WASHC4: variants seen among roughly 807,000 people sequenced by gnomAD.
The protein encoded by WASHC4 is WASH complex subunit 7.
In WASHC4, 86 loss-of-function variants were observed where a neutral mutation model predicts 166.6. The ratio of observed to expected loss-of-function variants is 0.52; its 90% CI spans 0.43 to 0.62. WASHC4 has a LOEUF of 0.62. Among genes scored for constraint, WASHC4 ranks in the 20% least tolerant of loss-of-function variants. The pLI is 0.00. For synonymous variants in WASHC4, 446 were observed against 451.6 expected, an observed-to-expected ratio of 0.99 and a Z score of 0.16; for missense variants, 1,262 against 1,382.4, an observed-to-expected ratio of 0.91 and a Z score of 1.38.
At chr12:105,117,563 T>G (rs928714483) in intron 6 of WASHC4, among the ~76,000 whole-genome samples, 1 of 152,154 alleles carries the variant, frequency 6.6e-6, no homozygotes, top group African/African-American at 2.4e-5. Context: ...ATAAAATGCG[T>G]TATTTATTTT....
intron 29 of WASHC4, among the ~76,000 whole-genome samples, chr12:105,161,636 T>C (rs1454814925): frequency 6.6e-6 from 1 of 152,188 alleles, no homozygotes; most frequent in Non-Finnish European, 1.5e-5. Flanking sequence ...CTTGTGTTTG[T>C]AGTGTAGTTC....
chr12:105,131,733 C>G (rs1000347969), intron 13 of WASHC4, among the ~76,000 whole-genome samples: 1 of 152,096 alleles, frequency 6.6e-6, no homozygotes, highest in Non-Finnish European at 1.5e-5. Flanking sequence ...AAGGACCAGG[C>G]TTTTAAAAAA....
chr12:105,131,625 G>A (rs954575654), intron 13 of WASHC4, among the ~76,000 whole-genome samples: 2 of 152,094 alleles, frequency 1.3e-5, no homozygotes, highest in African/African-American at 2.4e-5. Context: ...TGACTTTTCT[G>A]TTCTCTCCTG....
intron 1 of WASHC4, among the ~76,000 whole-genome samples, chr12:105,108,748 T>C (rs73179968): frequency 0.13 from 19,886 of 152,012 alleles, 1,494 homozygotes; most frequent in African/African-American, 0.22. Context: ...ATTTTTTTTT[T>C]CCCTCATAGT....
intron 14 of WASHC4, 62 bp downstream of exon 14, chr12:105,133,958 T>A: frequency 6.7e-7 from 1 of 1,486,784 alleles, no homozygotes; most frequent in East Asian, 2.3e-5. Context: ...AAGTTAAACT[T>A]TGAAAAAACT....
intron 13 of WASHC4, among the ~76,000 whole-genome samples, chr12:105,130,621 G>C (rs967561562): frequency 3.3e-5 from 5 of 152,152 alleles, no homozygotes; most frequent in Non-Finnish European, 5.9e-5. Flanking sequence ...AAAGTTGAGG[G>C]GTTGTCTAAG....
At chr12:105,158,237 A>G (rs1163917278) in intron 28 of WASHC4, among the ~76,000 whole-genome samples, 1 of 152,192 alleles carries the variant, frequency 6.6e-6, no homozygotes, top group East Asian at 1.9e-4. Flanking sequence ...GGTTTCTAAA[A>G]CATTAGGTGA....
rs201396846 is a variant in WASHC4 at position 105,160,072 on chromosome 12, T to C, written c.2984T>C (p.Val995Ala). ...GGCACAGAATATTTCAAAATGCTTG[T>C]AGACGTTTTTGCTCCAGAATTTCGA... ...AEGTEYFKML[V>A]DVFAPEFRRP... Residue 995 changes from valine to alanine, a missense_variant, in exon 29 of 33, where the codon GTA (valine) becomes GCA (alanine). Physicochemically the swap from Val to Ala is moderately conservative, Grantham distance 64 (BLOSUM62 0). Coordinates refer to ENST00000332180, the MANE Select transcript of WASHC4 (RefSeq NM_015275.3). The C allele has an allele frequency of 6.2e-7, 1 of 1,613,556 alleles. No homozygotes were observed. Among genetic ancestry groups the C allele is most frequent in the Non-Finnish European group, 8.5e-7 (1 of 1,179,436 alleles).
intron 32 of WASHC4, among the ~76,000 whole-genome samples, chr12:105,165,771 G>A (rs1483433081): frequency 6.6e-6 from 1 of 151,852 alleles, no homozygotes; most frequent in African/African-American, 2.4e-5. Context: ...TATTAATTAG[G>A]TGCATATCCA....
At chr12:105,147,580 A>G in intron 24 of WASHC4, 11 of 1,011,892 alleles carry the variant, frequency 1.1e-5, no homozygotes, top group Non-Finnish European at 1.3e-5. Flanking sequence ...ATAAATAGGA[A>G]CTTACTAAAA....
Position 105,144,356 on chromosome 12 carries a change from C to T in WASHC4, c.2080C>T (p.Leu694=). ...LRLSVHTHLK[L]DDRNPFKVGM... ...ACTTTCTGTGCATACTCATTTAAAG[C>T]TGGATGACCGAAACCCTTTCAAAGT... Residue 694 remains leucine, a synonymous_variant, in exon 21 of 33, where the codon CTG becomes TTG. Transcript: ENST00000332180. 1 of 1,613,252 alleles carries T rather than the reference C, an allele frequency of 6.2e-7. No homozygotes were observed. The highest frequency in any genetic ancestry group is 8.5e-7 in the Non-Finnish European group (1 of 1,179,290).
chr12:105,147,693 G>C (rs1436598741), intron 24 of WASHC4: 4 of 568,114 alleles, frequency 7.0e-6, no homozygotes, highest in African/African-American at 6.1e-5. Context: ...ATCACCTGAG[G>C]TTGGGAGTTC....
chr12:105,157,392 A>G, intron 28 of WASHC4, 70 bp downstream of exon 28: 7 of 855,414 alleles, frequency 8.2e-6, no homozygotes, highest in Admixed American at 7.7e-5. Flanking sequence ...CCAGAGGGTA[A>G]TATGTAATTT....
At chr12:105,120,169 T>TAGAA (rs1343790125) in intron 7 of WASHC4, among the ~76,000 whole-genome samples, 1 of 152,246 alleles carries the variant, frequency 6.6e-6, no homozygotes, top group Non-Finnish European at 1.5e-5. Flanking sequence ...TCTAATAGTT[T>TAGAA]AGAAAGATAT....
Position 105,152,391 on chromosome 12 carries a change from GGA to G in WASHC4, c.2700_2701del (p.Val901AsnfsTer3). 1 of 1,607,152 alleles carries G rather than the reference GGA, an allele frequency of 6.2e-7. No individual in the cohort carries two copies. ...EKFNRGIRKL[G>X]VTPEGQSYLD... The stretch of plus-strand genomic sequence containing the variant: ...ATTCAATCGAGGCATCAGAAAACTT[GGA>G]GTAACACCTGAGGGACAGAGCTACC... On this transcript the variant is annotated frameshift_variant, in exon 26 of 33. Transcript: ENST00000332180. LOFTEE classifies it high-confidence loss of function.
In WASHC4 at chr12:105,168,249, A is replaced by G. The variant is rs958707270; in HGVS notation, c.*1318A>G. The G allele has an allele frequency of 6.6e-6, 1 of 152,448 alleles. No homozygotes were observed. The highest frequency in any genetic ancestry group is 6.6e-5 in the Admixed American group (1 of 15,266). 9.4% of individuals were successfully genotyped at this position (152,448 alleles called of 1,614,324 possible). ...CAGGGTAACTTGCCAGCCCAAGATA[A>G]ATACTTTAATTGTTAAAAGTCAGAA... On this transcript the variant is annotated 3_prime_UTR_variant, in exon 33 of 33. Transcript: ENST00000332180.
Position 105,144,357 on chromosome 12 carries a change from T to C in WASHC4, c.2081T>C (p.Leu694Pro). 1 of 1,613,364 alleles carries C rather than the reference T, an allele frequency of 6.2e-7. No individual in the cohort carries two copies. Among genetic ancestry groups the C allele is most frequent in the Non-Finnish European group, 8.5e-7 (1 of 1,179,402 alleles). Reference sequence around the variant, plus strand: ...CTTTCTGTGCATACTCATTTAAAGCTGGATGACCGAAACCCTTTCAAAGTT... The same window carrying C: ...CTTTCTGTGCATACTCATTTAAAGCCGGATGACCGAAACCCTTTCAAAGTT... Reference protein sequence around the residue: ...LRLSVHTHLKLDDRNPFKVGM... With the variant: ...LRLSVHTHLKPDDRNPFKVGM... The change falls in exon 21 of 33, where the codon CTG becomes CCG. Residue 694 changes from leucine to proline, a missense_variant. Physicochemically the swap from Leu to Pro is moderately conservative, Grantham distance 98. Transcript: ENST00000332180.
At chr12:105,133,212 CTT>C (rs1256169409) in intron 13 of WASHC4, among the ~76,000 whole-genome samples, 2 of 152,240 alleles carry the variant, frequency 1.3e-5, no homozygotes, top group Non-Finnish European at 2.9e-5. Flanking sequence ...GGTATACTGA[CTT>C]TTTTGTTATT....
chr12:105,118,317 C>G, intron 6 of WASHC4, 129 bp from the exon 7 acceptor site: 1 of 733,048 alleles, frequency 1.4e-6, no homozygotes, highest in East Asian at 2.7e-5. Flanking sequence ...ACTTGTCTGG[C>G]TTTTGGTTAA....
Sources: allele counts gnomAD v4.1 joint callset (sites outside exome capture counted in the v4.1 genomes callset), GRCh38; gene constraint gnomAD v4.1.1; transcripts MANE v1.5; gene names NCBI Gene and HGNC (gene_info 2026-07-23, HGNC 2026-07-21).